The following GPSM2 variants were observed in gnomAD, a reference collection of about 807,000 sequenced individuals.
GPSM2 encodes G protein signaling modulator 2.
GPSM2 carries 58 observed loss-of-function variants against 78.4 expected under a neutral mutation model. That is an observed-to-expected ratio of 0.74 (90% CI 0.60 to 0.92). The LOEUF is 0.92. GPSM2 is among the 40% of genes least tolerant of loss of function. The pLI is 0.00. For synonymous variants in GPSM2, 224 were observed against 280.2 expected, an observed-to-expected ratio of 0.80 and a Z score of 2.00; for missense variants, 700 against 815.5, an observed-to-expected ratio of 0.86 and a Z score of 1.73.
intron 12 of GPSM2, among the ~76,000 whole-genome samples, chr1:108,922,077 T>G (rs338478): frequency 0.021 from 3,210 of 152,242 alleles, 109 homozygotes; most frequent in African/African-American, 0.072. Flanking sequence ...TACAAAGAGA[T>G]AAGTGTACCT....
chr1:108,928,250 C>T (rs1651299684), intron 14 of GPSM2, among the ~76,000 whole-genome samples: 1 of 152,178 alleles, frequency 6.6e-6, no homozygotes, highest in African/African-American at 2.4e-5. Context: ...CTGGAAGAGG[C>T]ATTTCTATAG....
intron 2 of GPSM2, among the ~76,000 whole-genome samples, chr1:108,893,395 C>T (rs368369613): frequency 2.0e-5 from 3 of 152,246 alleles, no homozygotes; most frequent in South Asian, 2.1e-4. Context: ...TGAAATGATG[C>T]GCCATCATTA....
intron 2 of GPSM2, among the ~76,000 whole-genome samples, chr1:108,896,457 G>A (rs1648375729): frequency 6.6e-6 from 1 of 152,106 alleles, no homozygotes; most frequent in African/African-American, 2.4e-5. Flanking sequence ...GGATACCTGG[G>A]TAGAGAACAA....
intron 14 of GPSM2, 178 bp from the exon 15 acceptor site, chr1:108,929,523 T>G: frequency 4.7e-6 from 3 of 644,294 alleles, no homozygotes; most frequent in Non-Finnish European, 8.1e-6. Flanking sequence ...TTAAAGATTA[T>G]TTCTTTCAGA....
intron 14 of GPSM2, among the ~76,000 whole-genome samples, chr1:108,928,580 T>G (rs1213861048): frequency 3.3e-5 from 5 of 152,228 alleles, no homozygotes; most frequent in Non-Finnish European, 1.5e-5. Context: ...AAATATCAGC[T>G]ATCACACTTC....
intron 14 of GPSM2, among the ~76,000 whole-genome samples, chr1:108,928,670 CTAATA>C (rs1483456587): frequency 6.6e-6 from 1 of 152,094 alleles, no homozygotes; most frequent in Non-Finnish European, 1.5e-5. Context: ...AGTAGCATGT[CTAATA>C]TAAGAATCAT....
chr1:108,925,666 T>C (rs966457345), intron 14 of GPSM2, among the ~76,000 whole-genome samples: 5 of 151,946 alleles, frequency 3.3e-5, no homozygotes, highest in African/African-American at 1.2e-4. Context: ...ATGGAGATTA[T>C]GAATAATTTT....
Position 108,931,548 on chromosome 1 carries a change from T to C in GPSM2, c.*1608T>C. The C allele has an allele frequency of 6.7e-7, 1 of 1,500,800 alleles. No homozygotes were observed. The highest frequency in any genetic ancestry group is 1.3e-5 in the South Asian group (1 of 77,924). 93.0% of individuals were successfully genotyped at this position (1,500,800 alleles called of 1,614,324 possible). On this transcript the variant is annotated 3_prime_UTR_variant, in exon 15 of 15. Coordinates refer to ENST00000264126, the MANE Select transcript of GPSM2 (RefSeq NM_013296.5). ...CAAAAAGTCATTCAGGTGATTTGGA[T>C]GGGCAAATAGAACTATTTCTCTAAT...
chr1:108,884,142 C>T (rs1441309584), intron 1 of GPSM2, among the ~76,000 whole-genome samples: 3 of 152,120 alleles, frequency 2.0e-5, no homozygotes. Flanking sequence ...AGGGTTTCAC[C>T]GTGTTGGCTA....
At chr1:108,906,625 C>G (rs1160758166) in intron 10 of GPSM2, among the ~76,000 whole-genome samples, 1 of 151,504 alleles carries the variant, frequency 6.6e-6, no homozygotes, top group African/African-American at 2.4e-5. Flanking sequence ...GCCTGTAATC[C>G]CCAACACTTC....
chr1:108,921,397 A>C (rs1185867043), intron 12 of GPSM2, among the ~76,000 whole-genome samples: 1 of 135,726 alleles, frequency 7.4e-6, no homozygotes, highest in African/African-American at 2.8e-5. Context: ...TTCAGCCTGG[A>C]TGACAGAGCG....
At chr1:108,889,833 C>T (rs1451601680) in intron 2 of GPSM2, among the ~76,000 whole-genome samples, 2 of 152,138 alleles carry the variant, frequency 1.3e-5, no homozygotes, top group Non-Finnish European at 2.9e-5. Flanking sequence ...CCTAGTCACC[C>T]GGCCAAGCTG....
At chr1:108,910,079 A>C (rs941509390) in intron 10 of GPSM2, 1 of 152,082 alleles carries the variant, frequency 6.6e-6, no homozygotes, top group African/African-American at 2.4e-5. Flanking sequence ...CAAATTGTTT[A>C]GTTTAATTTT....
rs200002010 is a variant in GPSM2 at position 108,897,946 on chromosome 1, T to C, written c.415-13T>C. On this transcript the variant is annotated splice_polypyrimidine_tract_variant and intron_variant, in intron 4 of 14. Transcript: ENST00000264126. ...GTTTTCAAAATGTAAACTTTGCTGA[T>C]GTCTTCATTTAGGTGGGAGAAGCAA... 3.5e-5 allele frequency: 56 copies of C among 1,612,692 alleles called. No homozygotes were observed. The highest frequency in any genetic ancestry group is 4.7e-5 in the Non-Finnish European group (55 of 1,178,696).
At chr1:108,885,879 G>C (rs895980112) in intron 2 of GPSM2, among the ~76,000 whole-genome samples, 1 of 152,052 alleles carries the variant, frequency 6.6e-6, no homozygotes, top group African/African-American at 2.4e-5. Flanking sequence ...AAATCTTTGG[G>C]GCTAAAAGGT....
chr1:108,921,905 A>G (rs1054435746), intron 12 of GPSM2, among the ~76,000 whole-genome samples: 4 of 152,188 alleles, frequency 2.6e-5, no homozygotes, highest in Non-Finnish European at 5.9e-5. Context: ...TCATCATTTC[A>G]GTTTTGAAGC....
In GPSM2 at chr1:108,918,714, C is replaced by A. The variant is rs756064465; in HGVS notation, c.1365C>A (p.Tyr455Ter). The change falls in exon 12 of 15, where the codon TAC becomes TAA. Residue 455 changes from tyrosine (Y) to a stop codon, truncating the protein, a stop_gained. Coordinates refer to ENST00000264126, the MANE Select transcript of GPSM2 (RefSeq NM_013296.5). LOFTEE classifies it high-confidence loss of function. ...LFVNRLKGKK[Y>*]KTNSSTKVLQ... Reference sequence around the variant, plus strand: ...TCAACAGACTGAAGGGGAAAAAATACAAAACGAATTCCTCCACTAAAGTTC... The same window carrying A: ...TCAACAGACTGAAGGGGAAAAAATAAAAAACGAATTCCTCCACTAAAGTTC... 1 of 1,613,360 alleles carries A rather than the reference C, an allele frequency of 6.2e-7. No individual in the cohort carries two copies. The highest frequency in any genetic ancestry group is 1.7e-5 in the Admixed American group (1 of 60,004).
At chr1:108,912,577 T>TA (rs34266985) in intron 10 of GPSM2, among the ~76,000 whole-genome samples, 10,912 of 108,642 alleles carry the variant, frequency 0.1, 467 homozygotes, top group Middle Eastern at 0.11. Context: ...CCTGTCTGTA[T>TA]AAAAAAAAAA....
At chr1:108,895,841 C>T (rs182843938) in intron 2 of GPSM2, among the ~76,000 whole-genome samples, 3 of 152,226 alleles carry the variant, frequency 2.0e-5, no homozygotes, top group Non-Finnish European at 1.5e-5. Context: ...TCCACAAAAC[C>T]GGCCCCTGGT....
Sources: gnomAD v4.1 joint callset for allele counts (sites outside exome capture counted in the v4.1 genomes callset) on GRCh38, gnomAD v4.1.1 for gene constraint, MANE v1.5 for transcripts, NCBI Gene and HGNC (gene_info 2026-07-23, HGNC 2026-07-21) for gene names.